Variants in COQ5 observed in about 807,000 individuals in gnomAD.
The protein encoded by COQ5 is coenzyme Q5, methyltransferase.
In COQ5, 27 loss-of-function variants were observed where a neutral mutation model predicts 40.5. That is an observed-to-expected ratio of 0.67 (90% CI 0.49 to 0.92). The LOEUF is 0.92. Ranked by LOEUF, COQ5 falls within the 40% of genes least tolerant of loss-of-function variation. The pLI is 0.00. For synonymous variants in COQ5, 141 were observed against 150.0 expected, an observed-to-expected ratio of 0.94 and a Z score of 0.44; for missense variants, 409 against 406.4, an observed-to-expected ratio of 1.01 and a Z score of -0.06.
chr12:120,523,460 TC>T, intron 1 of COQ5: 1 of 342,994 alleles, frequency 2.9e-6, no homozygotes, highest in Non-Finnish European at 5.6e-6. Flanking sequence ...ACTGGTCCTC[TC>T]CACAGCCTGC....
At chr12:120,504,760 C>T in intron 5 of COQ5, 135 bp downstream of exon 5, 1 of 764,238 alleles carries the variant, frequency 1.3e-6, no homozygotes, top group Non-Finnish European at 2.3e-6. Flanking sequence ...TAGGTATTGT[C>T]ATTCAGAACT....
intron 4 of COQ5, among the ~76,000 whole-genome samples, chr12:120,508,065 G>A (rs1868958233): frequency 6.6e-6 from 1 of 150,934 alleles, no homozygotes; most frequent in African/African-American, 2.4e-5. Context: ...GTGTGATCTC[G>A]GCTCACTGCA....
intron 1 of COQ5, chr12:120,523,397 C>G: frequency 2.6e-6 from 1 of 385,584 alleles, no homozygotes. Context: ...CATTTCTGTG[C>G]CATTTCGGGA....
chr12:120,508,720 T>G (rs1325822584), intron 4 of COQ5, among the ~76,000 whole-genome samples: 1 of 152,048 alleles, frequency 6.6e-6, no homozygotes. Context: ...CTTTTGAACT[T>G]TGAACCTATT....
Position 120,529,121 on chromosome 12 carries a change from A to C in COQ5, c.21T>G (p.Cys7Trp), listed in dbSNP as rs1346896884. MAAPGSCALWSYCGRGW... is the reference protein window; with the variant it reads MAAPGSWALWSYCGRGW... ...CACGGCCGCAATAGCTCCATAGAGC[A>C]CAGCTCCCGGGGGCCGCCATCTTGG... is the stretch of plus-strand genomic sequence containing the variant. The change falls in exon 1 of 7, where the codon TGT (cysteine) becomes TGG (tryptophan). Residue 7 changes from cysteine (C) to tryptophan (W), a missense_variant. Transcript: ENST00000288532. The C allele has an allele frequency of 6.2e-7, 1 of 1,613,758 alleles. No homozygotes were observed. Among genetic ancestry groups the C allele is most frequent in the Non-Finnish European group, 8.5e-7 (1 of 1,179,894 alleles).
intron 3 of COQ5, among the ~76,000 whole-genome samples, chr12:120,514,697 C>T (rs1024154861): frequency 1.3e-5 from 2 of 151,640 alleles, no homozygotes; most frequent in African/African-American, 4.8e-5. Context: ...GACCCGAGAT[C>T]GCTCCACTGT....
intron 3 of COQ5, among the ~76,000 whole-genome samples, chr12:120,513,813 C>T (rs992096364): frequency 6.6e-6 from 1 of 152,092 alleles, no homozygotes; most frequent in Non-Finnish European, 1.5e-5. Context: ...AGCTACTGCG[C>T]CCGACCACAC....
chr12:120,521,983 TGA>T lies in COQ5; in HGVS notation c.352+229_352+230del, dbSNP rs996348283. Among the ~76,000 whole-genome samples the T allele has an allele frequency of 9.0e-4, 137 of 151,644 alleles. 1 individual carries two copies. The highest frequency in any genetic ancestry group is 3.1e-3 in the African/African-American group (127 of 41,330). On this transcript the variant is annotated intron_variant, in intron 2 of 6. Transcript: ENST00000288532. ...CTGCATGCCAGCCTGGGCGACAGAGTGAGACTCCTATCTCAAAAAAAAAAAAG... is the reference window on the plus strand; with the variant it reads ...CTGCATGCCAGCCTGGGCGACAGAGTGACTCCTATCTCAAAAAAAAAAAAG...
At chr12:120,523,016 T>C in intron 1 of COQ5, 1 of 532,432 alleles carries the variant, frequency 1.9e-6, no homozygotes. Context: ...TGGGGTCCAC[T>C]CCCTTAAGAG....
At chr12:120,505,098 C>T (rs1416870503) in intron 4 of COQ5, 115 bp from the exon 5 acceptor site, 7 of 802,820 alleles carry the variant, frequency 8.7e-6, no homozygotes, top group Non-Finnish European at 2.2e-6. Flanking sequence ...GGCCCACAAA[C>T]CTCTTGTTTG....
rs1299226408 is a variant in COQ5, at chr12:120,503,469, A to G, written c.*315T>C. ...GGCAGCACCAGCAGAGAAGCTATAA[A>G]TACACTCACTTCAAAACTGAGCTTT... On this transcript the variant is annotated 3_prime_UTR_variant, in exon 7 of 7. Transcript: ENST00000288532. 2.7e-5 allele frequency: 13 copies of G among 489,340 alleles called. No individual in the cohort carries two copies. Among genetic ancestry groups the G allele is most frequent in the Non-Finnish European group, 5.2e-5 (13 of 250,288 alleles). The allele number at this position is 489,340 out of a possible 1,614,324, so 30.3% of individuals were successfully genotyped here.
intron 3 of COQ5, among the ~76,000 whole-genome samples, chr12:120,516,061 T>C (rs2137085449): frequency 6.6e-6 from 1 of 152,228 alleles, no homozygotes; most frequent in South Asian, 2.1e-4. Flanking sequence ...AGTTCTGAGA[T>C]TATAGGTGTG....
At chr12:120,526,984 G>C (rs1323206428) in intron 1 of COQ5, 1 of 151,072 alleles carries the variant, frequency 6.6e-6, no homozygotes, top group Non-Finnish European at 1.5e-5. Context: ...CAAAGTGCTG[G>C]GATTACAGGC....
chr12:120,524,562 A>T (rs1053621421), intron 1 of COQ5, among the ~76,000 whole-genome samples: 1 of 151,886 alleles, frequency 6.6e-6, no homozygotes, highest in Admixed American at 6.6e-5. Context: ...GCCCGGCCTT[A>T]AAGTTACATT....
intron 4 of COQ5, among the ~76,000 whole-genome samples, chr12:120,507,277 C>T (rs909016919): frequency 4.7e-5 from 7 of 149,410 alleles, no homozygotes; most frequent in African/African-American, 1.7e-4. Context: ...TAAATGGAAT[C>T]TATTCAACTT....
intron 3 of COQ5, among the ~76,000 whole-genome samples, chr12:120,515,045 G>A (rs958957378): frequency 9.2e-5 from 14 of 151,910 alleles, no homozygotes; most frequent in Non-Finnish European, 1.2e-4. Context: ...ACCCCCCCTC[G>A]GCCTCCCAAA....
intron 2 of COQ5, among the ~76,000 whole-genome samples, chr12:120,517,484 C>A (rs1400011367): frequency 6.9e-6 from 1 of 145,534 alleles, no homozygotes; most frequent in African/African-American, 2.5e-5. Flanking sequence ...TCTTGGCTAA[C>A]ATGATGAAAC....
intron 4 of COQ5, among the ~76,000 whole-genome samples, chr12:120,506,527 C>T (rs180848092): frequency 2.6e-5 from 4 of 152,028 alleles, no homozygotes; most frequent in Admixed American, 1.3e-4. Flanking sequence ...CCACCACACC[C>T]GGCTAATTTT....
intron 3 of COQ5, among the ~76,000 whole-genome samples, chr12:120,513,274 C>G (rs1156923566): frequency 6.7e-6 from 1 of 149,564 alleles, no homozygotes; most frequent in Non-Finnish European, 1.5e-5. Flanking sequence ...GAGGCCGAGG[C>G]GGGCGGATCA....
Sources: gnomAD v4.1 joint callset for allele counts (sites outside exome capture counted in the v4.1 genomes callset) on GRCh38, gnomAD v4.1.1 for gene constraint, MANE v1.5 for transcripts, NCBI Gene and HGNC (gene_info 2026-07-23, HGNC 2026-07-21) for gene names.